Variants in SHPRH observed in about 807,000 individuals in gnomAD.
The protein encoded by SHPRH is E3 ubiquitin-protein ligase SHPRH.
SHPRH carries 106 observed loss-of-function variants against 202.5 expected under a neutral mutation model. That is an observed-to-expected ratio of 0.52 (90% CI 0.45 to 0.62). SHPRH has a LOEUF of 0.62. Among genes scored for constraint, SHPRH ranks in the 20% least tolerant of loss-of-function variants. The pLI is 0.00. For missense variants in SHPRH, 1,710 were observed against 2,020.0 expected, an observed-to-expected ratio of 0.85 and a Z score of 2.94; for synonymous variants, 729 against 686.0, an observed-to-expected ratio of 1.06 and a Z score of -0.98.
In SHPRH at chr6:145,887,027, G is replaced by C. The variant is rs149853468; in HGVS notation, c.4956-240C>G. 2.3e-3 allele frequency among the ~76,000 whole-genome samples: 346 copies of C among 152,212 alleles called. 3 individuals are homozygous for C. Among genetic ancestry groups the C allele is most frequent in the African/African-American group, 7.8e-3 (324 of 41,550 alleles). ...TTCTCTGTGCAATTAATAGAACAAA[G>C]AATAAAACTCTTGACTACTGCTACT... On this transcript the variant is annotated intron_variant, in intron 29 of 29. Transcript: ENST00000275233.
intron 2 of SHPRH, among the ~76,000 whole-genome samples, chr6:145,873,898 A>G (rs1207762658): frequency 1.3e-5 from 2 of 152,118 alleles, no homozygotes; most frequent in Non-Finnish European, 2.9e-5. Context: ...TAGTATTATG[A>G]CATCAAAATG....
chr6:145,891,149 A>G (rs2265917), intron 28 of SHPRH, among the ~76,000 whole-genome samples: 56,319 of 151,952 alleles, frequency 0.37, 10,964 homozygotes, highest in South Asian at 0.49. Context: ...CAAAAGCACC[A>G]TCCTCACAGT....
At chr6:145,858,974 T>A in the SHPRH span, among the ~76,000 whole-genome samples, 1 of 152,062 alleles carries the variant, frequency 6.6e-6, no homozygotes, top group Non-Finnish European at 1.5e-5. Flanking sequence ...GCTTTTCTCA[T>A]TAGTCTGTAT....
At chr6:145,905,506 G>A (rs1464932326) in intron 25 of SHPRH, 1 of 151,932 alleles carries the variant, frequency 6.6e-6, no homozygotes, top group African/African-American at 2.4e-5. Context: ...AAAATCCCAG[G>A]ATGCTCAAGG....
At chr6:145,863,516 A>G (rs1779649808), downstream of SHPRH, among the ~76,000 whole-genome samples, 1 of 152,186 alleles carries the variant, frequency 6.6e-6, no homozygotes, top group Non-Finnish European at 1.5e-5. Flanking sequence ...TCATTTTGCA[A>G]TAGCCCATGT....
Position 145,910,545 on chromosome 6 carries a change from A to T in SHPRH, c.4418T>A (p.Ile1473Asn). 1 of 1,613,274 alleles carries T rather than the reference A, an allele frequency of 6.2e-7. No homozygotes were observed. The highest frequency in any genetic ancestry group is 8.5e-7 in the Non-Finnish European group (1 of 1,179,602). ...GGTCTGGCGGCAGATTGCACACTTA[A>T]TGGAGCTTCTGTGAGATCCCACGCT... ...QYSVGSHRSS[I>N]KCAICRQTTS... The change falls in exon 25 of 30, where the codon ATT (isoleucine) becomes AAT (asparagine). Residue 1473 changes from isoleucine to asparagine, a missense_variant. Transcript: ENST00000275233.
intron 25 of SHPRH, among the ~76,000 whole-genome samples, chr6:145,898,666 T>C (rs980467690): frequency 1.3e-5 from 2 of 152,104 alleles, no homozygotes; most frequent in Admixed American, 6.6e-5. Context: ...CAGGCTGTTA[T>C]AAGTTTCCTC....
chr6:145,958,140 T>C (rs898886274), intron 1 of SHPRH, among the ~76,000 whole-genome samples: 4 of 151,828 alleles, frequency 2.6e-5, no homozygotes, highest in Admixed American at 2.6e-4. Context: ...AGTAGATGAG[T>C]GGTTACCAGG....
downstream of SHPRH, among the ~76,000 whole-genome samples, chr6:145,880,840 TTTC>T (rs1462568954): frequency 6.6e-6 from 1 of 152,096 alleles, no homozygotes; most frequent in African/African-American, 2.4e-5. Flanking sequence ...AATTGTATAA[TTTC>T]TTAATTGGCT....
rs1031817135 is a variant in SHPRH at position 145,947,509 on chromosome 6, G to A, written c.1196C>T (p.Ala399Val). Residue 399 changes from alanine (A) to valine (V), a missense_variant, in exon 6 of 30, where the codon GCT (alanine) becomes GTT (valine). By Grantham distance (64) the Ala-to-Val change is moderately conservative. Transcript: ENST00000275233. ...CCCTCCTACCTCGGGAAGAGTGAGA[G>A]CATCTTGCTTGACATCTTGTCGAGT... ...THTRQDVKQD[A>V]LTLPEGKVVN... is the part of the protein sequence containing the mutation. The A allele has an allele frequency of 1.9e-6, 3 of 1,612,612 alleles. No homozygotes were observed. Among genetic ancestry groups the A allele is most frequent in the Non-Finnish European group, 8.5e-7 (1 of 1,179,064 alleles).
intron 2 of SHPRH, among the ~76,000 whole-genome samples, chr6:145,954,384 T>C (rs1242394874): frequency 2.0e-5 from 3 of 151,998 alleles, no homozygotes. Flanking sequence ...AGAGACAAAA[T>C]CGAAGCATTT....
At chr6:145,914,376 A>G (rs1349450336) in intron 23 of SHPRH, among the ~76,000 whole-genome samples, 3 of 152,118 alleles carry the variant, frequency 2.0e-5, no homozygotes, top group Non-Finnish European at 4.4e-5. Context: ...ATAATTCACA[A>G]CAGCTCTTCT....
intron 7 of SHPRH, 104 bp from the exon 8 acceptor site, chr6:145,945,741 T>G (rs1321501029): frequency 1.2e-5 from 15 of 1,247,470 alleles, no homozygotes; most frequent in South Asian, 1.9e-5. Context: ...AAGAAAGAAA[T>G]AAATCAAAGA....
At chr6:145,903,769 AAAATGCTTTGTAT>A (rs1414677175) in intron 25 of SHPRH, 1 of 152,102 alleles carries the variant, frequency 6.6e-6, no homozygotes, top group African/African-American at 2.4e-5. Flanking sequence ...TTCCACTGGC[AAAATGCTTTGTAT>A]AAAACCTAGC....
At chr6:145,876,440 ACTG>A (rs780496889) in intron 2 of SHPRH, among the ~76,000 whole-genome samples, 4 of 152,186 alleles carry the variant, frequency 2.6e-5, no homozygotes, top group Non-Finnish European at 4.4e-5. Context: ...GTATTTTGGG[ACTG>A]CTTTTTTTCA....
chr6:145,863,530 T>A (rs1459725663), downstream of SHPRH, among the ~76,000 whole-genome samples: 2 of 152,216 alleles, frequency 1.3e-5, no homozygotes, highest in Non-Finnish European at 2.9e-5. Flanking sequence ...CCCATGTTAT[T>A]AAGACAAAGA....
chr6:145,941,618 C>T lies in SHPRH; in HGVS notation c.2490+5G>A. On this transcript the variant is annotated splice_donor_5th_base_variant and intron_variant, in intron 10 of 29. Transcript: ENST00000275233. ...GCCCTCAAAAGATTTTGCAGAAACT[C>T]TCACTTTTACTGTGGGACACTCAAC... 1 of 1,612,526 alleles carries T rather than the reference C, an allele frequency of 6.2e-7. No individual in the cohort carries two copies. Among genetic ancestry groups the T allele is most frequent in the Non-Finnish European group, 8.5e-7 (1 of 1,178,976 alleles).
intron 21 of SHPRH, 97 bp downstream of exon 21, chr6:145,921,070 A>G: frequency 9.4e-7 from 1 of 1,062,600 alleles, no homozygotes; most frequent in East Asian, 2.6e-5. Context: ...TCTCAAAAGA[A>G]GATTTTAAAA....
chr6:145,916,329 C>G (rs981015926), intron 23 of SHPRH, among the ~76,000 whole-genome samples: 1 of 152,098 alleles, frequency 6.6e-6, no homozygotes, highest in African/African-American at 2.4e-5. Context: ...GCAATGCTCA[C>G]AGGAAATGCT....
Sources: allele counts gnomAD v4.1 joint callset (sites outside exome capture counted in the v4.1 genomes callset), GRCh38; gene constraint gnomAD v4.1.1; transcripts MANE v1.5; gene names NCBI Gene and HGNC (gene_info 2026-07-23, HGNC 2026-07-21).